Variants in CLDN14 observed in about 807,000 individuals in gnomAD.
The protein encoded by CLDN14 is claudin-14.
Under a neutral mutation model 2.1 loss-of-function variants are expected in CLDN14, and 2 were observed. The ratio of observed to expected loss-of-function variants is 0.96; its 90% CI spans 0.39 to 3.01. The LOEUF is 3.01. Among genes scored for constraint, CLDN14 ranks in the 30% most tolerant of loss-of-function variants. CLDN14 has a pLI of 0.09. For missense variants in CLDN14, 298 were observed against 328.0 expected, an observed-to-expected ratio of 0.91 and a Z score of 0.71; for synonymous variants, 136 against 154.4, an observed-to-expected ratio of 0.88 and a Z score of 0.88.
intron 1 of CLDN14, among the ~76,000 whole-genome samples, chr21:36,554,234 C>T (rs1046812056): frequency 6.6e-6 from 1 of 152,208 alleles, no homozygotes; most frequent in African/African-American, 2.4e-5. Flanking sequence ...CCCCCCCAGG[C>T]CCTGGGCTCG....
chr21:36,540,436 A>C (rs763837158), intron 1 of CLDN14, among the ~76,000 whole-genome samples: 5 of 152,208 alleles, frequency 3.3e-5, no homozygotes, highest in Non-Finnish European at 7.3e-5. Context: ...TGGAGAGCCA[A>C]CTGTACATCA....
intron 1 of CLDN14, among the ~76,000 whole-genome samples, chr21:36,570,880 T>C (rs1422977356): frequency 2.0e-5 from 3 of 152,178 alleles, no homozygotes; most frequent in African/African-American, 4.8e-5. Context: ...CTCGCTCTGT[T>C]GCCCAGGCTG....
intron 1 of CLDN14, among the ~76,000 whole-genome samples, chr21:36,565,233 T>G (rs1454446994): frequency 6.6e-6 from 1 of 152,090 alleles, no homozygotes; most frequent in Non-Finnish European, 1.5e-5. Context: ...TCATGTGAAT[T>G]TGAGGTGCAG....
intron 1 of CLDN14, among the ~76,000 whole-genome samples, chr21:36,471,591 C>T (rs1449140350): frequency 6.6e-6 from 1 of 152,178 alleles, no homozygotes; most frequent in Non-Finnish European, 1.5e-5. Flanking sequence ...GGGCAGAGTC[C>T]AGATTTGAAT....
intron 1 of CLDN14, among the ~76,000 whole-genome samples, chr21:36,465,325 G>A (rs932303308): frequency 6.6e-6 from 1 of 152,214 alleles, no homozygotes; most frequent in Non-Finnish European, 1.5e-5. Context: ...GTGGACCAGA[G>A]GTTTATTGGA....
chr21:36,531,275 T>C (rs1334572809), intron 1 of CLDN14, among the ~76,000 whole-genome samples: 1 of 150,646 alleles, frequency 6.6e-6, no homozygotes, highest in African/African-American at 2.5e-5. Flanking sequence ...TAAATATATA[T>C]ATATTTGCTA....
At chr21:36,537,939 C>A (rs2087441649) in intron 1 of CLDN14, among the ~76,000 whole-genome samples, 1 of 152,146 alleles carries the variant, frequency 6.6e-6, no homozygotes. Context: ...TGAGCCACCA[C>A]ACTCAGCCTA....
chr21:36,527,025 CT>C (rs1253939487), intron 1 of CLDN14, among the ~76,000 whole-genome samples: 2 of 152,236 alleles, frequency 1.3e-5, no homozygotes, highest in African/African-American at 4.8e-5. Context: ...TCATTTTCAA[CT>C]ACAGAGATCA....
intron 1 of CLDN14, among the ~76,000 whole-genome samples, chr21:36,472,224 G>C (rs2086718800): frequency 6.6e-6 from 1 of 152,214 alleles, no homozygotes; most frequent in South Asian, 2.1e-4. Flanking sequence ...ATGCCAGGAG[G>C]CCGAGCCAAG....
chr21:36,545,666 C>T (rs940483738), intron 1 of CLDN14, among the ~76,000 whole-genome samples: 19 of 152,010 alleles, frequency 1.2e-4, no homozygotes, highest in African/African-American at 4.4e-4. Flanking sequence ...AGTATCTGCC[C>T]CCACTCTGTA....
intron 2 of CLDN14, among the ~76,000 whole-genome samples, chr21:36,485,211 G>A (rs1337829900): frequency 6.6e-6 from 1 of 150,772 alleles, no homozygotes; most frequent in Admixed American, 6.7e-5. Context: ...CTGTGATTTT[G>A]TTTTTCTTTT....
chr21:36,497,835 A>C (rs763681117), intron 2 of CLDN14, among the ~76,000 whole-genome samples: 7 of 152,106 alleles, frequency 4.6e-5, no homozygotes, highest in Non-Finnish European at 8.8e-5. Flanking sequence ...CTTCAGTGTT[A>C]TTCCGGGGGG....
chr21:36,495,179 A>C (rs528750633), intron 2 of CLDN14, among the ~76,000 whole-genome samples: 1 of 152,280 alleles, frequency 6.6e-6, no homozygotes, highest in South Asian at 2.1e-4. Context: ...AAATACAAAA[A>C]TTAGCTGGAC....
chr21:36,549,276 A>ACACT (rs551169909), intron 1 of CLDN14, among the ~76,000 whole-genome samples: 1,540 of 139,596 alleles, frequency 0.011, 29 homozygotes, highest in African/African-American at 0.036. Flanking sequence ...TTACACACAC[A>ACACT]CTCTCTCTCT....
At chr21:36,522,252 T>C (rs957506078) in intron 1 of CLDN14, among the ~76,000 whole-genome samples, 11 of 152,152 alleles carry the variant, frequency 7.2e-5, no homozygotes, top group African/African-American at 2.7e-4. Context: ...CCCCACTTCA[T>C]GTGAAAATGC....
intron 1 of CLDN14, among the ~76,000 whole-genome samples, chr21:36,561,983 C>CCTGTTTTGCTGCAAAAAAATT (rs2087639419): frequency 3.9e-5 from 6 of 152,192 alleles, no homozygotes; most frequent in Admixed American, 3.9e-4. Flanking sequence ...GCAAAAAAAT[C>CCTGTTTTGCTGCAAAAAAATT]CTGTTTTGCA....
chr21:36,509,104 AATT>A lies in CLDN14; in HGVS notation c.-82+1256_-82+1258del, dbSNP rs538397319. 9.8e-5 allele frequency among the ~76,000 whole-genome samples: 15 copies of A among 152,308 alleles called. No homozygotes were observed. In the East Asian group the frequency reaches 2.9e-3, roughly 29 times the overall value. ...AAAACCAATAGTTTAAACAGTGTCA[AATT>A]ATTATCCTGTCTCCACCTGGCCCTG... On this transcript the variant is annotated intron_variant, in intron 2 of 2. Coordinates refer to the CLDN14 transcript ENST00000342108.
At chr21:36,471,209 AAAC>A (rs2086706450) in intron 1 of CLDN14, among the ~76,000 whole-genome samples, 2 of 123,748 alleles carry the variant, frequency 1.6e-5, no homozygotes, top group Non-Finnish European at 3.2e-5. Context: ...TCTCTACAAA[AAAC>A]AAACAAACAT....
intron 1 of CLDN14, among the ~76,000 whole-genome samples, chr21:36,530,372 A>G (rs1221819106): frequency 1.3e-5 from 2 of 152,248 alleles, no homozygotes; most frequent in African/African-American, 2.4e-5. Flanking sequence ...GCAGGTCTGC[A>G]GTGACTCTGC....
Sources: allele counts gnomAD v4.1 joint callset (sites outside exome capture counted in the v4.1 genomes callset), GRCh38; gene constraint gnomAD v4.1.1; transcripts MANE v1.5; gene names NCBI Gene and HGNC (gene_info 2026-07-23, HGNC 2026-07-21).